RGS6: variants seen among roughly 807,000 people sequenced by gnomAD.
RGS6 encodes regulator of G protein signaling 6, also known as regulator of G-protein signaling 6.
Under a neutral mutation model 78.5 loss-of-function variants are expected in RGS6, and 30 were observed. The ratio of observed to expected loss-of-function variants is 0.38; its 90% CI spans 0.29 to 0.52. The LOEUF is 0.52. Among genes scored for constraint, RGS6 ranks in the 20% least tolerant of loss-of-function variants. The pLI is 0.85. For missense variants in RGS6, 495 were observed against 609.7 expected (o/e 0.81, Z 1.98); for synonymous variants, 206 against 206.0 (o/e 1.00, Z 0.00).
intron 2 of RGS6, among the ~76,000 whole-genome samples, chr14:72,304,195 C>G (rs938776908): frequency 5.3e-5 from 8 of 152,210 alleles, no homozygotes; most frequent in African/African-American, 1.4e-4. Flanking sequence ...TCCTCCTCCC[C>G]CAGGCTGCAA....
chr14:72,572,703 G>A, the RGS6 span, among the ~76,000 whole-genome samples: 1 of 152,156 alleles, frequency 6.6e-6, no homozygotes, highest in African/African-American at 2.4e-5. Flanking sequence ...GAGGAGTGAT[G>A]AAAATGTTCT....
chr14:72,515,239 C>G (rs907729398), intron 14 of RGS6, among the ~76,000 whole-genome samples: 2 of 151,910 alleles, frequency 1.3e-5, no homozygotes, highest in Non-Finnish European at 2.9e-5. Context: ...CCCTTTCCCC[C>G]TCCTTCCCTC....
intron 2 of RGS6, among the ~76,000 whole-genome samples, chr14:72,064,361 T>C (rs945695549): frequency 6.6e-6 from 1 of 152,164 alleles, no homozygotes; most frequent in Non-Finnish European, 1.5e-5. Flanking sequence ...GAAATTCCTT[T>C]GAAATAAAAA....
At position 72,442,623 on chromosome 14, in the gene RGS6, TACTG is replaced by T. The variant is rs999524513; in HGVS notation, c.185-11902_185-11899del. Among the ~76,000 whole-genome samples the T allele has an allele frequency of 2.0e-4, 30 of 152,222 alleles. 1 individual carries two copies. Among genetic ancestry groups the T allele is most frequent in the African/African-American group, 6.5e-4 (27 of 41,454 alleles). On this transcript the variant is annotated intron_variant, in intron 3 of 17. Coordinates refer to ENST00000553525, the MANE Select transcript of RGS6 (RefSeq NM_001204424.2). Reference sequence around the variant, plus strand: ...TGACAACAATGATAAACTCACCACTTACTGACCATTGGCTGTGTGCCACAGGACA... The same window carrying T: ...TGACAACAATGATAAACTCACCACTTACCATTGGCTGTGTGCCACAGGACA...
At chr14:72,479,768 C>T (rs561197389) in intron 12 of RGS6, among the ~76,000 whole-genome samples, 1 of 152,226 alleles carries the variant, frequency 6.6e-6, no homozygotes, top group Admixed American at 6.5e-5. Flanking sequence ...GTTCCTTTGC[C>T]CCAGAAAGGT....
At chr14:72,050,100 G>A (rs1192866758) in intron 2 of RGS6, among the ~76,000 whole-genome samples, 1 of 152,038 alleles carries the variant, frequency 6.6e-6, no homozygotes, top group Non-Finnish European at 1.5e-5. Flanking sequence ...TGGAAAAACA[G>A]AAATTTGCAA....
At chr14:72,607,893 G>A in the RGS6 span, among the ~76,000 whole-genome samples, 945 of 152,196 alleles carry the variant, frequency 6.2e-3, 4 homozygotes, top group Non-Finnish European at 0.011. Flanking sequence ...CCGAAATAAC[G>A]GCCCCACATT....
chr14:72,245,190 G>A (rs529015265), intron 2 of RGS6, among the ~76,000 whole-genome samples: 1 of 152,240 alleles, frequency 6.6e-6, no homozygotes, highest in Non-Finnish European at 1.5e-5. Context: ...ACACACGTTT[G>A]TTGAATGCCA....
chr14:72,420,172 T>G (rs1482300867), intron 3 of RGS6, among the ~76,000 whole-genome samples: 1 of 152,246 alleles, frequency 6.6e-6, no homozygotes, highest in Non-Finnish European at 1.5e-5. Context: ...CAATTTTCTT[T>G]GCACTGATCT....
chr14:71,891,418 A>G, the RGS6 span, among the ~76,000 whole-genome samples: 2 of 152,180 alleles, frequency 1.3e-5, no homozygotes, highest in Non-Finnish European at 2.9e-5. Context: ...AGCTGGGACT[A>G]TTGACAAGGG....
intron 13 of RGS6, among the ~76,000 whole-genome samples, chr14:72,504,005 C>A (rs766919929): frequency 2.6e-5 from 4 of 152,376 alleles, no homozygotes; most frequent in Admixed American, 2.0e-4. Context: ...TGGGCAGGAG[C>A]ATCCTGATCT....
intron 2 of RGS6, among the ~76,000 whole-genome samples, chr14:72,210,815 T>C (rs905071865): frequency 1.3e-5 from 2 of 152,172 alleles, no homozygotes; most frequent in Admixed American, 6.5e-5. Flanking sequence ...CCAGTTTTTT[T>C]GTTTTTGTTT....
intron 2 of RGS6, among the ~76,000 whole-genome samples, chr14:72,041,704 G>A (rs546806778): frequency 4.6e-5 from 7 of 152,160 alleles, no homozygotes; most frequent in Non-Finnish European, 7.3e-5. Context: ...TCTTCACTTT[G>A]TATTTGCCTA....
intron 2 of RGS6, among the ~76,000 whole-genome samples, chr14:72,329,339 T>A (rs1485505536): frequency 6.6e-6 from 1 of 152,210 alleles, no homozygotes; most frequent in Non-Finnish European, 1.5e-5. Flanking sequence ...ATAAACCAGA[T>A]AAAATCTCCA....
intron 3 of RGS6, among the ~76,000 whole-genome samples, chr14:72,420,236 G>A (rs1286390548): frequency 3.3e-5 from 5 of 152,194 alleles, no homozygotes; most frequent in East Asian, 1.9e-4. Flanking sequence ...AGGGTGTTAC[G>A]TTTTTATAAC....
At chr14:72,545,755 C>T (rs1230192377) in intron 17 of RGS6, among the ~76,000 whole-genome samples, 1 of 152,074 alleles carries the variant, frequency 6.6e-6, no homozygotes, top group Non-Finnish European at 1.5e-5. Flanking sequence ...GCTCCCCACA[C>T]CTACACCACA....
chr14:72,526,743 AAG>A (rs1314415513), intron 15 of RGS6, among the ~76,000 whole-genome samples: 1 of 152,226 alleles, frequency 6.6e-6, no homozygotes, highest in African/African-American at 2.4e-5. Flanking sequence ...ATACATCCAG[AAG>A]GAGCAACAGC....
chr14:72,443,687 C>T (rs1461685396), intron 3 of RGS6, among the ~76,000 whole-genome samples: 1 of 152,176 alleles, frequency 6.6e-6, no homozygotes, highest in South Asian at 2.1e-4. Flanking sequence ...GTAATAAAAC[C>T]CCCAAGCCTG....
chr14:72,217,186 G>A lies in RGS6; in HGVS notation c.85-134909G>A, dbSNP rs191987802. Among the ~76,000 whole-genome samples the A allele has an allele frequency of 2.4e-4, 36 of 152,296 alleles. 1 individual carries two copies. The East Asian group carries it at 6.4e-3, about 27-fold the overall frequency. On this transcript the variant is annotated intron_variant, in intron 2 of 17. Coordinates refer to ENST00000553525, the MANE Select transcript of RGS6 (RefSeq NM_001204424.2). ...CCACATGCAGTGGATAGCATTAGCC[G>A]TCTGTGGTGGGAAAGGAACAGATTG... is the stretch of plus-strand genomic sequence containing the variant.
Sources: gnomAD v4.1 joint callset for allele counts (sites outside exome capture counted in the v4.1 genomes callset) on GRCh38, gnomAD v4.1.1 for gene constraint, MANE v1.5 for transcripts, NCBI Gene and HGNC (gene_info 2026-07-23, HGNC 2026-07-21) for gene names.